The following KCNN2 variants were observed in gnomAD, a reference collection of about 807,000 sequenced individuals.
The protein encoded by KCNN2 is small conductance calcium-activated potassium channel protein 2.
A neutral mutation model predicts 55.5 loss-of-function variants in KCNN2; 24 were observed. The ratio of observed to expected loss-of-function variants is 0.43; its 90% CI spans 0.31 to 0.61. The LOEUF (loss-of-function observed/expected upper bound fraction) is 0.61. Among genes scored for constraint, KCNN2 ranks in the 20% least tolerant of loss-of-function variants. The probability of loss-of-function intolerance (pLI) is 0.08; values close to 1 mark genes in which losing one functional copy is unlikely to be tolerated. For synonymous variants in KCNN2, 431 were observed against 336.1 expected (o/e 1.28, Z -3.09); for missense variants, 754 against 853.6 (o/e 0.88, Z 1.45).
intron 2 of KCNN2, among the ~76,000 whole-genome samples, chr5:114,347,016 A>G (rs943957330): frequency 6.6e-6 from 1 of 152,150 alleles, no homozygotes; most frequent in Non-Finnish European, 1.5e-5. Flanking sequence ...AGAATAAAAC[A>G]CCCATTACCT....
intron 1 of KCNN2, among the ~76,000 whole-genome samples, chr5:114,066,796 G>A (rs1750461659): frequency 6.6e-6 from 1 of 152,120 alleles, no homozygotes; most frequent in Admixed American, 6.5e-5. Context: ...GGCCAGGATG[G>A]TCTCAATCTC....
intron 1 of KCNN2, among the ~76,000 whole-genome samples, chr5:114,219,000 G>A (rs980738840): frequency 1.8e-4 from 28 of 152,180 alleles, no homozygotes; most frequent in Non-Finnish European, 2.4e-4. Flanking sequence ...TTGGGAACTG[G>A]CAGGAACAAA....
At chr5:114,161,408 A>T (rs6863520) in intron 1 of KCNN2, among the ~76,000 whole-genome samples, 4 of 124,152 alleles carry the variant, frequency 3.2e-5, no homozygotes, top group Non-Finnish European at 6.8e-5. Context: ...TGGGTAACCC[A>T]ACCTTTCTCT....
intron 2 of KCNN2, among the ~76,000 whole-genome samples, chr5:114,346,079 G>T (rs1053564143): frequency 6.6e-6 from 1 of 152,334 alleles, no homozygotes; most frequent in South Asian, 2.1e-4. Flanking sequence ...ACAGTGCTCA[G>T]CCCTCAGGGA....
intron 1 of KCNN2, among the ~76,000 whole-genome samples, chr5:114,070,294 C>T (rs760739532): frequency 2.0e-5 from 3 of 152,208 alleles, no homozygotes; most frequent in Non-Finnish European, 1.5e-5. Flanking sequence ...CAGGAGGGGG[C>T]AGGACCCCTG....
In KCNN2 at chr5:114,195,848, A is replaced by G. The variant is rs182035430; in HGVS notation, c.-270-25632A>G. On this transcript the variant is annotated intron_variant, in intron 1 of 10. Coordinates refer to the KCNN2 transcript ENST00000512097. ...GTTTTTTGTAGATGCCTTATATCAG[A>G]TTAAGTTTCTTCCTGTTCCTGGTTT... Among the ~76,000 whole-genome samples the G allele has an allele frequency of 2.2e-4, 34 of 152,130 alleles. 1 individual carries two copies. The highest frequency in any genetic ancestry group is 1.4e-3 in the Admixed American group (22 of 15,276).
chr5:114,349,289 C>T (rs1394228115), intron 2 of KCNN2, among the ~76,000 whole-genome samples: 1 of 151,850 alleles, frequency 6.6e-6, no homozygotes, highest in Non-Finnish European at 1.5e-5. Context: ...GTTGAGAATC[C>T]CTAATCTGAA....
chr5:114,459,250 T>C (rs138156510), intron 3 of KCNN2, among the ~76,000 whole-genome samples: 2,433 of 152,342 alleles, frequency 0.016, 38 homozygotes, highest in Middle Eastern at 0.065. Flanking sequence ...CTTGAGATTA[T>C]TGGGCATTCC....
chr5:114,338,747 A>G (rs746459140), intron 2 of KCNN2, among the ~76,000 whole-genome samples: 1 of 152,188 alleles, frequency 6.6e-6, no homozygotes, highest in African/African-American at 2.4e-5. Flanking sequence ...CCCTATGGGA[A>G]TGGAAGCCTG....
chr5:114,127,907 T>C (rs1054347956), intron 1 of KCNN2, among the ~76,000 whole-genome samples: 2 of 151,900 alleles, frequency 1.3e-5, no homozygotes, highest in Non-Finnish European at 2.9e-5. Flanking sequence ...ACAGCAAGAG[T>C]CACCTTTATT....
At position 114,363,043 on chromosome 5, in the gene KCNN2, A is replaced by C. The variant is rs374137805; in HGVS notation, c.904A>C (p.Thr302Pro). 1.7e-5 allele frequency: 28 copies of C among 1,606,612 alleles called. No homozygotes were observed. The African/African-American group carries it at 3.3e-4, about 19-fold the overall frequency. ...ALYGTGGGGSTGGGGGGGGSG... is the reference protein window; with the variant it reads ...ALYGTGGGGSPGGGGGGGGSG... ...CTATGGAACCGGCGGCGGAGGCAGC[A>C]CTGGAGGAGGCGGCGGCGGTGGCGG... The change falls in exon 1 of 8, where the codon ACT (threonine) becomes CCT (proline). Residue 302 changes from threonine to proline, a missense_variant. This residue lies in a region of KCNN2 where 381 missense variants were observed against 259.1 expected (regional missense o/e 1.47). Transcript: ENST00000673685.
At chr5:114,329,135 C>A (rs1348587658) in intron 2 of KCNN2, among the ~76,000 whole-genome samples, 1 of 152,154 alleles carries the variant, frequency 6.6e-6, no homozygotes, top group Non-Finnish European at 1.5e-5. Flanking sequence ...TTCATGGATA[C>A]AAATGGTATT....
At chr5:114,119,982 C>T (rs1479468797) in intron 1 of KCNN2, among the ~76,000 whole-genome samples, 4 of 152,040 alleles carry the variant, frequency 2.6e-5, no homozygotes, top group Non-Finnish European at 5.9e-5. Context: ...AAAAACACAG[C>T]ATGTGCGCAT....
intron 3 of KCNN2, among the ~76,000 whole-genome samples, chr5:114,458,948 G>A (rs1240800680): frequency 6.6e-6 from 1 of 152,226 alleles, no homozygotes; most frequent in Non-Finnish European, 1.5e-5. Flanking sequence ...TGCGGGTGCT[G>A]AGGGAGGCAG....
intron 1 of KCNN2, among the ~76,000 whole-genome samples, chr5:114,185,530 G>A (rs1044477276): frequency 3.9e-5 from 6 of 152,154 alleles, no homozygotes; most frequent in Non-Finnish European, 8.8e-5. Flanking sequence ...GGCAGGAAGC[G>A]CTCTAGCAGG....
chr5:114,445,978 C>A (rs1019221703), intron 3 of KCNN2, among the ~76,000 whole-genome samples: 1 of 152,168 alleles, frequency 6.6e-6, no homozygotes, highest in Non-Finnish European at 1.5e-5. Context: ...AACAAGGGTG[C>A]TTTGCAAGCC....
chr5:114,383,525 G>A (rs935683933), intron 2 of KCNN2, among the ~76,000 whole-genome samples: 2 of 145,910 alleles, frequency 1.4e-5, no homozygotes, highest in African/African-American at 2.6e-5. Context: ...CTGGAGTGCA[G>A]TGGTATGATC....
chr5:114,196,491 T>G (rs1206669343), intron 1 of KCNN2, among the ~76,000 whole-genome samples: 1 of 152,074 alleles, frequency 6.6e-6, no homozygotes, highest in East Asian at 1.9e-4. Flanking sequence ...GGGCCTGGAC[T>G]TTTCTTTGTG....
intron 3 of KCNN2, among the ~76,000 whole-genome samples, chr5:114,423,428 C>G (rs949628900): frequency 3.3e-5 from 5 of 152,048 alleles, no homozygotes; most frequent in Non-Finnish European, 5.9e-5. Flanking sequence ...TCTCCAGGGA[C>G]TTAGGAAGTG....
Sources: gnomAD v4.1 joint callset for allele counts (sites outside exome capture counted in the v4.1 genomes callset) on GRCh38, gnomAD v4.1.1 for gene constraint, gnomAD v4.1.1 regional missense constraint, MANE v1.5 for transcripts, NCBI Gene and HGNC (gene_info 2026-07-23, HGNC 2026-07-21) for gene names.